Variants in SLC12A2 observed in about 807,000 individuals in gnomAD.
The protein encoded by SLC12A2 is Na-K-2Cl cotransporter 1.
In SLC12A2, 67 loss-of-function variants were observed where a neutral mutation model predicts 136.3. The observed-to-expected ratio is 0.49, with a 90% CI of 0.40 to 0.60. The LOEUF (loss-of-function observed/expected upper bound fraction) is 0.60, where lower values mean the gene tolerates loss of function less well. Ranked by LOEUF, SLC12A2 falls within the 20% of genes least tolerant of loss-of-function variation. SLC12A2 has a pLI of 0.00. For missense variants in SLC12A2, 1,322 were observed against 1,534.7 expected (o/e 0.86, Z 2.32); for synonymous variants, 619 against 562.9 (o/e 1.10, Z -1.41).
chr5:128,164,437 A>G (rs893674225), intron 17 of SLC12A2, among the ~76,000 whole-genome samples: 5 of 152,160 alleles, frequency 3.3e-5, no homozygotes, highest in Admixed American at 1.3e-4. Context: ...TTTGAGAAAA[A>G]TACTTAGGAG....
At chr5:128,115,329 T>G (rs1761306374) in intron 4 of SLC12A2, among the ~76,000 whole-genome samples, 1 of 152,214 alleles carries the variant, frequency 6.6e-6, no homozygotes, top group Non-Finnish European at 1.5e-5. Flanking sequence ...TTTGCCATGT[T>G]GGCCAGGCTG....
chr5:128,114,232 T>A lies in SLC12A2; in HGVS notation c.897T>A (p.Ile299=), dbSNP rs753150179. The change falls in exon 3 of 27, where the codon ATT becomes ATA. Residue 299 remains isoleucine (I), a synonymous_variant. Coordinates refer to ENST00000262461, the MANE Select transcript of SLC12A2 (RefSeq NM_001046.3). ...KGVLVRCMLN[I]WGVMLFIRLS... is the part of the protein sequence containing the mutation. ...TTTAGGTACGTTGTATGTTAAACAT[T>A]TGGGGTGTGATGCTTTTCATTAGAT... is the stretch of plus-strand genomic sequence containing the variant. 5 of 1,613,474 alleles carry A rather than the reference T, an allele frequency of 3.1e-6. No homozygotes were observed. In the East Asian group the frequency reaches 1.1e-4, roughly 36 times the overall value.
At chr5:128,152,003 T>G (rs962450287) in intron 14 of SLC12A2, among the ~76,000 whole-genome samples, 6 of 152,204 alleles carry the variant, frequency 3.9e-5, no homozygotes, top group African/African-American at 1.4e-4. Flanking sequence ...TTAGGATTGG[T>G]CCCGGTATTG....
chr5:128,142,242 A>G (rs113349577), intron 10 of SLC12A2, among the ~76,000 whole-genome samples: 2,089 of 152,236 alleles, frequency 0.014, 50 homozygotes, highest in African/African-American at 0.048. Flanking sequence ...AGCTGGGACT[A>G]TAGGCGCCAG....
chr5:128,141,749 TATAA>T, intron 9 of SLC12A2, 77 bp from the exon 10 acceptor site: 7 of 1,207,086 alleles, frequency 5.8e-6, no homozygotes, highest in Non-Finnish European at 7.9e-6. Flanking sequence ...TTGGTTTCTT[TATAA>T]ATATATATAT....
At chr5:128,121,149 A>G (rs1761560171) in intron 4 of SLC12A2, among the ~76,000 whole-genome samples, 2 of 152,158 alleles carry the variant, frequency 1.3e-5, no homozygotes, top group African/African-American at 4.8e-5. Flanking sequence ...TCAATCTAGA[A>G]AAGTTGTACT....
At chr5:128,108,272 A>T (rs1448920702) in intron 1 of SLC12A2, among the ~76,000 whole-genome samples, 2 of 152,202 alleles carry the variant, frequency 1.3e-5, no homozygotes, top group Non-Finnish European at 2.9e-5. Flanking sequence ...CACTTCAAGA[A>T]TTATATTATG....
chr5:128,166,069 A>G (rs1384612167), intron 17 of SLC12A2, among the ~76,000 whole-genome samples: 1 of 152,040 alleles, frequency 6.6e-6, no homozygotes, highest in East Asian at 1.9e-4. Context: ...CTGTATATGG[A>G]TGGAACACTT....
chr5:128,158,358 G>T (rs1389700192), intron 16 of SLC12A2, among the ~76,000 whole-genome samples, 194 bp downstream of exon 16: 1 of 151,994 alleles, frequency 6.6e-6, no homozygotes, highest in African/African-American at 2.4e-5. Context: ...CTCCCACCCA[G>T]TAGCCTCAAG....
chr5:128,142,395 G>T (rs935233501), intron 10 of SLC12A2, among the ~76,000 whole-genome samples: 1 of 152,142 alleles, frequency 6.6e-6, no homozygotes, highest in Non-Finnish European at 1.5e-5. Context: ...GAGCCACTGC[G>T]TCTGGCCAGT....
intron 4 of SLC12A2, among the ~76,000 whole-genome samples, chr5:128,117,077 C>T (rs1190238278): frequency 6.6e-6 from 1 of 152,064 alleles, no homozygotes; most frequent in African/African-American, 2.4e-5. Context: ...AATAAATGAC[C>T]AGCTCAGTGG....
chr5:128,158,297 C>G, intron 16 of SLC12A2, 133 bp downstream of exon 16: 2 of 677,052 alleles, frequency 3.0e-6, no homozygotes, highest in Middle Eastern at 7.9e-4. Context: ...TGTTTTGTCA[C>G]CCAGGTAATA....
intron 20 of SLC12A2, among the ~76,000 whole-genome samples, chr5:128,176,164 C>T (rs1763535393): frequency 6.6e-6 from 1 of 151,982 alleles, no homozygotes; most frequent in South Asian, 2.1e-4. Flanking sequence ...AAAAAGAACA[C>T]CCTTCAAATA....
In SLC12A2 at chr5:128,131,565, G is replaced by A. The variant is rs376326548; in HGVS notation, c.1188+359G>A. Among the ~76,000 whole-genome samples the A allele has an allele frequency of 9.2e-5, 14 of 151,822 alleles. No individual in the cohort carries two copies. In the South Asian group the frequency reaches 2.3e-3, roughly 25 times the overall value. On this transcript the variant is annotated intron_variant, in intron 5 of 26. Transcript: ENST00000262461. The stretch of plus-strand genomic sequence containing the variant: ...AAAAAAAAAAAAAAATCAGCTGGGC[G>A]TGGTGGCAGGCACCTGTAGTCCCAG...
intron 1 of SLC12A2, among the ~76,000 whole-genome samples, chr5:128,096,297 C>G (rs1278998100): frequency 6.6e-6 from 1 of 152,006 alleles, no homozygotes; most frequent in Admixed American, 6.6e-5. Context: ...ATTAAGAGTC[C>G]TATTCAAATG....
At position 128,100,647 on chromosome 5, in the gene SLC12A2, T is replaced by C. The variant is rs550737418; in HGVS notation, c.757-12167T>C. On this transcript the variant is annotated intron_variant, in intron 1 of 26. Transcript: ENST00000262461. ...CCAGGTGTATACTAAAATGTAGTTT[T>C]TAATTACATGGTTCTTGATACATAC... is the stretch of plus-strand genomic sequence containing the variant. Among the ~76,000 whole-genome samples the C allele has an allele frequency of 2.2e-3, 341 of 152,264 alleles. 1 individual carries two copies. The highest frequency in any genetic ancestry group is 7.8e-3 in the African/African-American group (323 of 41,558).
At chr5:128,161,465 T>G (rs984128717) in intron 16 of SLC12A2, among the ~76,000 whole-genome samples, 195 bp from the exon 17 acceptor site, 2 of 152,206 alleles carry the variant, frequency 1.3e-5, no homozygotes, top group African/African-American at 4.8e-5. Flanking sequence ...CCCTGTGCCT[T>G]AGCTATTCCA....
intron 1 of SLC12A2, among the ~76,000 whole-genome samples, chr5:128,105,355 C>T (rs1276397699): frequency 6.6e-6 from 1 of 152,032 alleles, no homozygotes; most frequent in Non-Finnish European, 1.5e-5. Context: ...GGGTATAGGA[C>T]CAAGTGCTAA....
chr5:128,120,178 A>G (rs935576465), intron 4 of SLC12A2, among the ~76,000 whole-genome samples: 2 of 152,150 alleles, frequency 1.3e-5, no homozygotes, highest in African/African-American at 4.8e-5. Context: ...CACACCAGTT[A>G]GAATGGCAAT....
Sources: allele counts gnomAD v4.1 joint callset (sites outside exome capture counted in the v4.1 genomes callset), GRCh38; gene constraint gnomAD v4.1.1; transcripts MANE v1.5; gene names NCBI Gene and HGNC (gene_info 2026-07-23, HGNC 2026-07-21).